The following TRIM2 variants were observed in gnomAD, a reference collection of about 807,000 sequenced individuals.
TRIM2 encodes tripartite motif-containing protein 2.
Under a neutral mutation model 75.2 loss-of-function variants are expected in TRIM2, and 20 were observed. The observed-to-expected ratio is 0.27, with a 90% CI of 0.19 to 0.39. The LOEUF (loss-of-function observed/expected upper bound fraction) is 0.39. Among genes scored for constraint, TRIM2 ranks in the 10% least tolerant of loss-of-function variants. The pLI is 1.00. For synonymous variants in TRIM2, 373 were observed against 388.3 expected, an observed-to-expected ratio of 0.96 and a Z score of 0.46; for missense variants, 660 against 990.8, an observed-to-expected ratio of 0.67 and a Z score of 4.48.
At chr4:153,297,566 T>G (rs1212889404) in intron 6 of TRIM2, among the ~76,000 whole-genome samples, 3 of 152,220 alleles carry the variant, frequency 2.0e-5, no homozygotes, top group African/African-American at 7.2e-5. Context: ...TTATCCCTAC[T>G]ACCTTTTCTT....
chr4:153,155,813 A>G (rs143097062), intron 1 of TRIM2, among the ~76,000 whole-genome samples: 1 of 152,296 alleles, frequency 6.6e-6, no homozygotes, highest in African/African-American at 2.4e-5. Context: ...GATATGTTCT[A>G]GGAGCTCCCT....
At chr4:153,272,277 T>C (rs1321497929) in intron 2 of TRIM2, among the ~76,000 whole-genome samples, 1 of 151,930 alleles carries the variant, frequency 6.6e-6, no homozygotes, top group African/African-American at 2.4e-5. Flanking sequence ...GCCTCCTGAG[T>C]AGCTAGGACT....
intron 3 of TRIM2, among the ~76,000 whole-genome samples, chr4:153,284,383 A>G (rs913340590): frequency 4.0e-5 from 6 of 150,982 alleles, no homozygotes; most frequent in Non-Finnish European, 7.4e-5. Context: ...TTGTATTTTT[A>G]GTAGAGATGG....
At chr4:153,316,203 G>GT (rs1020418034) in intron 8 of TRIM2, among the ~76,000 whole-genome samples, 1 of 152,070 alleles carries the variant, frequency 6.6e-6, no homozygotes. Flanking sequence ...ATGTGGCTTT[G>GT]TTTTTTAAAG....
chr4:153,282,113 C>T (rs4696451), intron 3 of TRIM2, among the ~76,000 whole-genome samples: 61,190 of 152,110 alleles, frequency 0.4, 14,723 homozygotes, highest in African/African-American at 0.68. Context: ...CCATCAACAA[C>T]AAGCTCATCC....
chr4:153,315,222 A>C (rs1421883578), intron 6 of TRIM2, among the ~76,000 whole-genome samples: 1 of 152,246 alleles, frequency 6.6e-6, no homozygotes, highest in Non-Finnish European at 1.5e-5. Context: ...AGAATATTTT[A>C]AACATGTTAA....
At chr4:153,301,442 T>C (rs1007364686) in intron 6 of TRIM2, among the ~76,000 whole-genome samples, 1 of 152,238 alleles carries the variant, frequency 6.6e-6, no homozygotes, top group African/African-American at 2.4e-5. Flanking sequence ...TCCCATTCTG[T>C]AGGTTTTCTC....
chr4:153,298,038 A>T (rs891437799), intron 6 of TRIM2, among the ~76,000 whole-genome samples: 5 of 152,154 alleles, frequency 3.3e-5, no homozygotes, highest in African/African-American at 1.2e-4. Context: ...CTGTGCTCAA[A>T]CTATATTGGT....
intron 1 of TRIM2, among the ~76,000 whole-genome samples, chr4:153,243,997 T>C (rs1369873229): frequency 1.3e-5 from 2 of 151,884 alleles, no homozygotes; most frequent in Non-Finnish European, 2.9e-5. Flanking sequence ...TTCTAAATTT[T>C]TTTGTAGAAA....
intron 11 of TRIM2, among the ~76,000 whole-genome samples, chr4:153,332,979 A>G (rs191996725): frequency 2.2e-4 from 33 of 152,360 alleles, no homozygotes; most frequent in African/African-American, 7.9e-4. Flanking sequence ...TGTCTGTCCC[A>G]GAGAAGTGAA....
At chr4:153,193,234 A>T (rs997301835) in intron 1 of TRIM2, among the ~76,000 whole-genome samples, 1 of 146,986 alleles carries the variant, frequency 6.8e-6, no homozygotes, top group Non-Finnish European at 1.5e-5. Context: ...CAGGTTCATG[A>T]CATTCTCCTG....
At chr4:153,251,107 CTT>C (rs1334939520) in intron 1 of TRIM2, among the ~76,000 whole-genome samples, 2 of 152,232 alleles carry the variant, frequency 1.3e-5, no homozygotes, top group Non-Finnish European at 2.9e-5. Context: ...CACCTTTTCT[CTT>C]TTAAGGATGC....
chr4:153,303,565 A>T (rs1764383973), intron 6 of TRIM2, among the ~76,000 whole-genome samples: 1 of 152,148 alleles, frequency 6.6e-6, no homozygotes, highest in Non-Finnish European at 1.5e-5. Flanking sequence ...TGAATTGAAT[A>T]ATCATTTTGT....
intron 8 of TRIM2, 127 bp from the exon 9 acceptor site, chr4:153,322,521 G>A (rs752106754): frequency 1.0e-6 from 1 of 958,584 alleles, no homozygotes; most frequent in Non-Finnish European, 1.5e-6. Flanking sequence ...TGTGATATAT[G>A]AGTAGCTGTG....
intron 1 of TRIM2, among the ~76,000 whole-genome samples, chr4:153,253,399 G>T (rs1277930622): frequency 1.3e-5 from 2 of 152,242 alleles, no homozygotes; most frequent in African/African-American, 2.4e-5. Context: ...ACACACACTG[G>T]GTATGACAGC....
At chr4:153,152,429 T>TATAC (rs1471680560), upstream of TRIM2, 4 of 64,280 alleles carry the variant, frequency 6.2e-5, no homozygotes, top group East Asian at 3.3e-4. Context: ...TATATATATA[T>TATAC]ACACACATAT....
chr4:153,320,862 C>T (rs752592529), intron 8 of TRIM2, among the ~76,000 whole-genome samples: 4 of 152,126 alleles, frequency 2.6e-5, no homozygotes, highest in Admixed American at 6.5e-5. Flanking sequence ...GAACTCCTGA[C>T]CTCAAGTTAT....
At chr4:153,193,142 T>C (rs1305068686) in intron 1 of TRIM2, among the ~76,000 whole-genome samples, 1 of 148,272 alleles carries the variant, frequency 6.7e-6, no homozygotes, top group African/African-American at 2.5e-5. Flanking sequence ...TTTTTTTTTT[T>C]TTTTTTTGAG....
upstream of TRIM2, among the ~76,000 whole-genome samples, chr4:153,199,785 T>G (rs1560804899): frequency 1.3e-5 from 2 of 152,172 alleles, no homozygotes; most frequent in African/African-American, 2.4e-5. Flanking sequence ...TTTATCATAT[T>G]TTTTAAGACA....
Sources: allele counts gnomAD v4.1 joint callset (sites outside exome capture counted in the v4.1 genomes callset), GRCh38; gene constraint gnomAD v4.1.1; transcripts MANE v1.5; gene names NCBI Gene and HGNC (gene_info 2026-07-23, HGNC 2026-07-21).